The following BRMS1L variants were observed in gnomAD, a reference collection of about 807,000 sequenced individuals.
The protein encoded by BRMS1L is breast cancer metastasis-suppressor 1-like protein.
BRMS1L carries 23 observed loss-of-function variants against 50.3 expected under a neutral mutation model. The observed-to-expected ratio is 0.46, with a 90% CI of 0.33 to 0.65. BRMS1L has a LOEUF of 0.65. Among genes scored for constraint, BRMS1L ranks in the 30% least tolerant of loss-of-function variants. The pLI is 0.02. For missense variants in BRMS1L, 286 were observed against 386.1 expected, an observed-to-expected ratio of 0.74 and a Z score of 2.17; for synonymous variants, 114 against 126.9, an observed-to-expected ratio of 0.90 and a Z score of 0.69.
intron 1 of BRMS1L, among the ~76,000 whole-genome samples, chr14:35,830,744 C>T (rs561067921): frequency 6.6e-6 from 1 of 152,190 alleles, no homozygotes; most frequent in Non-Finnish European, 1.5e-5. Flanking sequence ...GCAATGTTAG[C>T]CTTTAAAGGA....
chr14:35,857,584 G>A (rs1185068746), intron 4 of BRMS1L, among the ~76,000 whole-genome samples: 3 of 152,030 alleles, frequency 2.0e-5, no homozygotes, highest in Admixed American at 6.6e-5. Flanking sequence ...GCCTCCCAAA[G>A]TGCTGGAATT....
intron 4 of BRMS1L, among the ~76,000 whole-genome samples, chr14:35,856,573 C>A (rs1191528407): frequency 6.7e-6 from 1 of 148,420 alleles, no homozygotes; most frequent in East Asian, 2.0e-4. Flanking sequence ...AATCTTCCAA[C>A]CAGAGGTAAT....
chr14:35,841,998 CT>C (rs574267347), intron 4 of BRMS1L, among the ~76,000 whole-genome samples: 12,429 of 112,100 alleles, frequency 0.11, 317 homozygotes, highest in Non-Finnish European at 0.13. Flanking sequence ...GCAATCTCTG[CT>C]TTTTTTTTTT....
At chr14:35,865,668 T>G (rs2078410252) in intron 7 of BRMS1L, 54 bp from the exon 8 acceptor site, 3 of 1,345,972 alleles carry the variant, frequency 2.2e-6, no homozygotes, top group Non-Finnish European at 3.1e-6. Context: ...CAAAATATAT[T>G]TTCAGTCTGA....
At chr14:35,854,901 A>G (rs549349800) in intron 4 of BRMS1L, among the ~76,000 whole-genome samples, 1 of 152,358 alleles carries the variant, frequency 6.6e-6, no homozygotes, top group Admixed American at 6.5e-5. Flanking sequence ...TGGAAGGTGC[A>G]GGTAGTCTGT....
At chr14:35,857,988 T>C (rs2078303134) in intron 4 of BRMS1L, among the ~76,000 whole-genome samples, 2 of 149,978 alleles carry the variant, frequency 1.3e-5, no homozygotes, top group African/African-American at 4.9e-5. Context: ...ATAAAGAGCA[T>C]GTTACCTAAT....
intron 4 of BRMS1L, among the ~76,000 whole-genome samples, chr14:35,835,349 A>G (rs2077977503): frequency 6.6e-6 from 1 of 152,206 alleles, no homozygotes; most frequent in South Asian, 2.1e-4. Flanking sequence ...TTTATGGGAA[A>G]AAAAATAGGT....
At chr14:35,841,998 CTTTTT>C (rs574267347) in intron 4 of BRMS1L, among the ~76,000 whole-genome samples, 2 of 112,232 alleles carry the variant, frequency 1.8e-5, no homozygotes, top group East Asian at 2.5e-4. Context: ...GCAATCTCTG[CTTTTT>C]TTTTTTTTTT....
intron 4 of BRMS1L, among the ~76,000 whole-genome samples, chr14:35,860,860 G>GT (rs1208484849): frequency 6.6e-6 from 1 of 152,232 alleles, no homozygotes; most frequent in Non-Finnish European, 1.5e-5. Context: ...AGCAGGATCA[G>GT]TAAGTCTAGA....
chr14:35,831,641 T>C (rs1212972229), intron 2 of BRMS1L, 141 bp downstream of exon 2: 1 of 648,170 alleles, frequency 1.5e-6, no homozygotes, highest in Admixed American at 2.8e-5. Context: ...CAACTATTGT[T>C]TGTCTACTAA....
At chr14:35,855,367 C>CAT (rs1252976245) in intron 4 of BRMS1L, among the ~76,000 whole-genome samples, 1 of 152,152 alleles carries the variant, frequency 6.6e-6, no homozygotes, top group Non-Finnish European at 1.5e-5. Context: ...ATTAGGATTA[C>CAT]AGGTGTGAGC....
At chr14:35,839,135 C>T (rs1160986552) in intron 4 of BRMS1L, among the ~76,000 whole-genome samples, 2 of 152,146 alleles carry the variant, frequency 1.3e-5, no homozygotes, top group Non-Finnish European at 2.9e-5. Flanking sequence ...GGAATCCTTT[C>T]CCCAATGCTT....
intron 4 of BRMS1L, among the ~76,000 whole-genome samples, chr14:35,859,031 T>A (rs1350480661): frequency 6.6e-6 from 1 of 151,044 alleles, no homozygotes; most frequent in African/African-American, 2.4e-5. Context: ...AACCTCCACC[T>A]CTTGGGTTCA....
At chr14:35,865,830 G>T (rs199922866) in intron 8 of BRMS1L, 69 bp downstream of exon 8, 4 of 1,334,136 alleles carry the variant, frequency 3.0e-6, no homozygotes, top group Non-Finnish European at 4.2e-6. Context: ...TGTTATCTAC[G>T]TACTAAAGAA....
chr14:35,861,463 C>T (rs556923126), intron 4 of BRMS1L, among the ~76,000 whole-genome samples: 1 of 152,216 alleles, frequency 6.6e-6, no homozygotes, highest in South Asian at 2.1e-4. Flanking sequence ...CCGAGTTTTG[C>T]AGCACAATAT....
chr14:35,842,585 C>T lies in BRMS1L; in HGVS notation c.441+7662C>T, dbSNP rs2078080787. ...GGGCTTCCCTTTGTGGGTAATCTGA[C>T]CTTTCTCTCTGGCTGCCCTTAACAT... On this transcript the variant is annotated intron_variant, in intron 4 of 9. Coordinates refer to ENST00000216807, the MANE Select transcript of BRMS1L (RefSeq NM_032352.4). Among the ~76,000 whole-genome samples the T allele has an allele frequency of 2.0e-5, 3 of 152,156 alleles. 1 individual carries two copies. In the South Asian group the frequency reaches 6.2e-4, roughly 32 times the overall value.
chr14:35,869,376 T>C (rs1300658042), intron 9 of BRMS1L, among the ~76,000 whole-genome samples: 1 of 151,956 alleles, frequency 6.6e-6, no homozygotes, highest in Non-Finnish European at 1.5e-5. Context: ...CTGGTCTCTT[T>C]GTAGAGAACC....
intron 4 of BRMS1L, among the ~76,000 whole-genome samples, chr14:35,845,920 G>A (rs1595667373): frequency 1.3e-5 from 2 of 152,160 alleles, no homozygotes; most frequent in African/African-American, 4.8e-5. Context: ...GCTATGATAT[G>A]GATTTTTAAT....
At chr14:35,865,061 GT>G in intron 7 of BRMS1L, 62 bp downstream of exon 7, 77 of 1,234,232 alleles carry the variant, frequency 6.2e-5, no homozygotes, top group South Asian at 1.4e-4. Flanking sequence ...AAGATTCTAT[GT>G]TTTTTTTGTT....
Sources: gnomAD v4.1 joint callset for allele counts (sites outside exome capture counted in the v4.1 genomes callset) on GRCh38, gnomAD v4.1.1 for gene constraint, MANE v1.5 for transcripts, NCBI Gene and HGNC (gene_info 2026-07-23, HGNC 2026-07-21) for gene names.